The following ZC3H3 variants were observed in gnomAD, a reference collection of about 807,000 sequenced individuals.
The protein encoded by ZC3H3 is zinc finger CCCH domain-containing protein 3.
ZC3H3 carries 36 observed loss-of-function variants against 77.3 expected under a neutral mutation model. The observed-to-expected ratio is 0.47, with a 90% CI of 0.36 to 0.61. ZC3H3 has a LOEUF of 0.61. Ranked by LOEUF, ZC3H3 falls within the 20% of genes least tolerant of loss-of-function variation. The pLI, the probability that ZC3H3 is intolerant of heterozygous loss-of-function variation, is 0.00. For synonymous variants in ZC3H3, 626 were observed against 555.2 expected (o/e 1.13, Z -1.79); for missense variants, 1,331 against 1,312.2 (o/e 1.01, Z -0.22).
intron 3 of ZC3H3, among the ~76,000 whole-genome samples, chr8:143,526,120 A>G (rs896072958): frequency 2.0e-5 from 3 of 152,238 alleles, no homozygotes; most frequent in African/African-American, 7.2e-5. Context: ...CAGTGGGGCC[A>G]CAGAGGGCAC....
chr8:143,505,177 G>T (rs1157636448), intron 4 of ZC3H3, among the ~76,000 whole-genome samples: 3 of 152,242 alleles, frequency 2.0e-5, no homozygotes, highest in African/African-American at 7.2e-5. Context: ...GGGAGAGGGA[G>T]CTGGGGCCCA....
At chr8:143,478,212 T>C (rs2129917785) in intron 4 of ZC3H3, among the ~76,000 whole-genome samples, 1 of 152,154 alleles carries the variant, frequency 6.6e-6, no homozygotes, top group East Asian at 1.9e-4. Context: ...CCTGCAGGAG[T>C]GTCCCCCTGA....
At chr8:143,473,399 G>A (rs145640135) in intron 5 of ZC3H3, among the ~76,000 whole-genome samples, 163 of 152,236 alleles carry the variant, frequency 1.1e-3, no homozygotes, top group African/African-American at 2.8e-3. Context: ...TTACACCTGT[G>A]GGCCCCAGGA....
chr8:143,541,406 TCTC>T lies in ZC3H3; in HGVS notation c.13_15del (p.Glu5del). 6.2e-7 allele frequency: 1 copy of T among 1,611,746 alleles called. No individual in the cohort carries two copies. Among genetic ancestry groups the T allele is most frequent in the Admixed American group, 1.7e-5 (1 of 59,988 alleles). On this transcript the variant is annotated inframe_deletion, in exon 1 of 12. Transcript: ENST00000262577. ...AGTAGGCGGATCTGCCGCCGTAATA[TCTC>T]CTTTTCCTCCATCTCCCGAGTCCGC...
intron 9 of ZC3H3, among the ~76,000 whole-genome samples, chr8:143,461,476 G>C (rs1452272002): frequency 6.6e-6 from 1 of 152,156 alleles, no homozygotes; most frequent in African/African-American, 2.4e-5. Flanking sequence ...GCCCTGCAGT[G>C]ACCCTATGGC....
Position 143,539,260 on chromosome 8 carries a change from G to C in ZC3H3, c.107C>G (p.Ala36Gly), listed in dbSNP as rs995731476. ...GTAAGTGGGTGGCTGCCACCCAGAA[G>C]CTGCTGGGGTACCAGGGGCCGGGGC... Reference protein sequence around the residue: ...GNAPAPGTPAASGWQPPTYHS... With the variant: ...GNAPAPGTPAGSGWQPPTYHS... Residue 36 changes from alanine (A) to glycine (G), a missense_variant, in exon 2 of 12, where the codon GCT becomes GGT. Physicochemically the swap from Ala to Gly is moderately conservative, Grantham distance 60. Around this residue, in one of 3 missense-constraint regions of ZC3H3, gnomAD observed 978 missense variants for 915.5 expected, o/e 1.07. Coordinates refer to ENST00000262577, the MANE Select transcript of ZC3H3 (RefSeq NM_015117.3). 6.2e-7 allele frequency: 1 copy of C among 1,612,710 alleles called. No individual in the cohort carries two copies. The highest frequency in any genetic ancestry group is 1.3e-5 in the African/African-American group (1 of 74,932).
intron 4 of ZC3H3, among the ~76,000 whole-genome samples, chr8:143,489,230 C>A (rs932316181): frequency 6.6e-6 from 1 of 152,196 alleles, no homozygotes; most frequent in Non-Finnish European, 1.5e-5. Context: ...GGTACCTATG[C>A]CCTAACTGAA....
rs796741425 is a variant in ZC3H3, at chr8:143,442,415, G to A, written c.2308-1295C>T. On this transcript the variant is annotated intron_variant, in intron 9 of 11. Coordinates refer to ENST00000262577, the MANE Select transcript of ZC3H3 (RefSeq NM_015117.3). Reference sequence around the variant, plus strand: ...CTTCAGGGGCCGGGGGGGGTGGGGGGGCGGGGGCAAGGCCTCCGGGGGGGG... The same window carrying A: ...CTTCAGGGGCCGGGGGGGGTGGGGGAGCGGGGGCAAGGCCTCCGGGGGGGG... Among the ~76,000 whole-genome samples, 838 of 104,370 alleles carry A rather than the reference G, an allele frequency of 8.0e-3. 22 individuals carry two copies. The highest frequency in any genetic ancestry group is 0.026 in the African/African-American group (716 of 27,896). The allele number at this position is 104,370 out of a possible 152,430, so 68.5% of individuals were successfully genotyped here.
intron 9 of ZC3H3, among the ~76,000 whole-genome samples, chr8:143,447,713 C>G (rs1183113175): frequency 1.3e-5 from 2 of 152,200 alleles, no homozygotes; most frequent in African/African-American, 4.8e-5. Context: ...GGGAGGGAGG[C>G]ACTTCACACG....
intron 3 of ZC3H3, 82 bp from the exon 4 acceptor site, chr8:143,507,981 C>T: frequency 7.1e-7 from 1 of 1,414,268 alleles, no homozygotes. Context: ...ACAGTGCCAG[C>T]TCTGCCCACC....
chr8:143,469,830 G>A (rs955250007), intron 5 of ZC3H3, among the ~76,000 whole-genome samples: 4 of 152,184 alleles, frequency 2.6e-5, no homozygotes, highest in East Asian at 1.9e-4. Context: ...CCTCAAATAC[G>A]CGCATGATCC....
chr8:143,481,361 A>G (rs942867924), intron 4 of ZC3H3, among the ~76,000 whole-genome samples: 1 of 152,154 alleles, frequency 6.6e-6, no homozygotes, highest in Non-Finnish European at 1.5e-5. Flanking sequence ...CCGCCACCGA[A>G]GTTCCCATGC....
intron 9 of ZC3H3, among the ~76,000 whole-genome samples, chr8:143,452,508 C>T (rs897851087): frequency 1.3e-5 from 2 of 152,190 alleles, no homozygotes; most frequent in East Asian, 1.9e-4. Context: ...AGAGGGGCAG[C>T]GCCAACGCTG....
At chr8:143,486,807 T>C (rs57109013) in intron 4 of ZC3H3, among the ~76,000 whole-genome samples, 2,224 of 83,168 alleles carry the variant, frequency 0.027, 42 homozygotes, top group African/African-American at 0.073. Context: ...CACGACCCCA[T>C]CACCACGAAG....
intron 11 of ZC3H3, among the ~76,000 whole-genome samples, chr8:143,439,453 G>A (rs971358752): frequency 6.6e-6 from 1 of 152,226 alleles, no homozygotes; most frequent in African/African-American, 2.4e-5. Context: ...GCTGTAAAAT[G>A]TTTACAGAAA....
intron 3 of ZC3H3, among the ~76,000 whole-genome samples, chr8:143,535,114 G>A (rs1429827676): frequency 2.6e-5 from 4 of 151,926 alleles, no homozygotes; most frequent in Non-Finnish European, 4.4e-5. Flanking sequence ...GAACGATCTC[G>A]GCTCACTGCA....
intron 3 of ZC3H3, among the ~76,000 whole-genome samples, chr8:143,513,624 G>A (rs1821941370): frequency 6.6e-6 from 1 of 152,234 alleles, no homozygotes; most frequent in South Asian, 2.1e-4. Flanking sequence ...TGTCTGAGCG[G>A]GGCGCAGACC....
At chr8:143,471,067 C>T (rs1820548789) in intron 5 of ZC3H3, among the ~76,000 whole-genome samples, 1 of 152,190 alleles carries the variant, frequency 6.6e-6, no homozygotes, top group South Asian at 2.1e-4. Flanking sequence ...TTCCTCAGCA[C>T]CTCCAGGCCC....
rs950146273 is a variant in ZC3H3 at position 143,493,202 on chromosome 8, G to A, written c.1715+14544C>T. On this transcript the variant is annotated intron_variant, in intron 4 of 11. Coordinates refer to ENST00000262577, the MANE Select transcript of ZC3H3 (RefSeq NM_015117.3). This position sits in a 1 kb window ranked among gnomAD's most constrained non-coding sequence, Gnocchi z 4.8. ...CCAGGGGCTCCCTCCTCAGGGTCCC[G>A]TGTCCTGGCCCAGGGGCTCCCTCCT... 5.3e-5 allele frequency among the ~76,000 whole-genome samples: 8 copies of A among 151,738 alleles called. No homozygotes were observed. The highest frequency in any genetic ancestry group is 4.2e-4 in the South Asian group (2 of 4,792).
Sources: allele counts gnomAD v4.1 joint callset (sites outside exome capture counted in the v4.1 genomes callset), GRCh38; gene constraint gnomAD v4.1.1; regional missense constraint gnomAD v4.1.1; non-coding constraint Gnocchi (gnomAD v3.1); transcripts MANE v1.5; gene names NCBI Gene and HGNC (gene_info 2026-07-23, HGNC 2026-07-21).